Variants in SEMA3A observed in about 807,000 individuals in gnomAD.
SEMA3A encodes semaphorin-3A.
A neutral mutation model predicts 97.9 loss-of-function variants in SEMA3A; 29 were observed. The ratio of observed to expected loss-of-function variants is 0.30; its 90% confidence interval spans 0.22 to 0.40. SEMA3A has a LOEUF of 0.40. Ranked by LOEUF, SEMA3A falls within the 10% of genes least tolerant of loss-of-function variation. The pLI, the probability that SEMA3A is intolerant of heterozygous loss-of-function variation, is 1.00. For synonymous variants in SEMA3A, 321 were observed against 323.7 expected (o/e 0.99, Z 0.09); for missense variants, 763 against 951.3 (o/e 0.80, Z 2.60).
intron 1 of SEMA3A, among the ~76,000 whole-genome samples, chr7:84,463,438 C>G (rs1404869276): frequency 6.6e-6 from 1 of 151,514 alleles, no homozygotes; most frequent in African/African-American, 2.4e-5. Context: ...TTAGTAGAGA[C>G]GGGGTTTCAC....
At chr7:84,249,033 A>C (rs1277074182) in intron 3 of SEMA3A, among the ~76,000 whole-genome samples, 1 of 152,188 alleles carries the variant, frequency 6.6e-6, no homozygotes, top group Non-Finnish European at 1.5e-5. Context: ...AATCATATGC[A>C]ATATTTCATG....
intron 2 of SEMA3A, among the ~76,000 whole-genome samples, chr7:84,358,934 T>G (rs1249855592): frequency 6.6e-6 from 1 of 152,202 alleles, no homozygotes; most frequent in African/African-American, 2.4e-5. Context: ...TTTGGCTGTT[T>G]GTCTGTTATT....
intron 1 of SEMA3A, among the ~76,000 whole-genome samples, chr7:84,377,954 T>TAA (rs1803151229): frequency 6.6e-6 from 1 of 152,100 alleles, no homozygotes; most frequent in African/African-American, 2.4e-5. Flanking sequence ...ATGTCTCCAG[T>TAA]AACATGTGGT....
intron 1 of SEMA3A, among the ~76,000 whole-genome samples, chr7:84,188,019 G>C (rs959388244): frequency 6.6e-6 from 1 of 152,022 alleles, no homozygotes; most frequent in Non-Finnish European, 1.5e-5. Context: ...TTTATCTAAA[G>C]ACATGTTTAT....
chr7:84,015,975 G>A (rs1791082038), intron 6 of SEMA3A, among the ~76,000 whole-genome samples: 1 of 152,064 alleles, frequency 6.6e-6, no homozygotes, highest in Admixed American at 6.5e-5. Context: ...TTTTTTAAAA[G>A]ATCCATACAA....
At chr7:84,376,447 CA>C (rs1229223614) in intron 1 of SEMA3A, among the ~76,000 whole-genome samples, 1 of 140,624 alleles carries the variant, frequency 7.1e-6, no homozygotes, top group South Asian at 2.4e-4. Flanking sequence ...CTAAAAAACA[CA>C]AAAAAATTAG....
upstream of SEMA3A, among the ~76,000 whole-genome samples, chr7:84,198,726 T>C (rs141568656): frequency 6.5e-4 from 99 of 152,304 alleles, no homozygotes; most frequent in African/African-American, 2.3e-3. Context: ...AGGTGCTTAA[T>C]AGGATGATCA....
chr7:84,192,797 T>C (rs1208404098), intron 1 of SEMA3A, among the ~76,000 whole-genome samples: 2 of 151,968 alleles, frequency 1.3e-5, no homozygotes, highest in African/African-American at 4.8e-5. Flanking sequence ...TTTTAAAATA[T>C]ATATCATGAT....
intron 3 of SEMA3A, among the ~76,000 whole-genome samples, chr7:84,119,278 T>C (rs1795527711): frequency 6.6e-6 from 1 of 152,136 alleles, no homozygotes; most frequent in African/African-American, 2.4e-5. Context: ...TAGTACAGTA[T>C]ATTTTGCACC....
intron 3 of SEMA3A, among the ~76,000 whole-genome samples, chr7:84,307,041 C>T (rs583344): frequency 0.68 from 102,785 of 151,342 alleles, 34,997 homozygotes; most frequent in Middle Eastern, 0.71. Context: ...GGAGCCCTCT[C>T]ATCTACCCAA....
At chr7:83,980,566 C>G (rs1789350189) in intron 14 of SEMA3A, among the ~76,000 whole-genome samples, 1 of 137,546 alleles carries the variant, frequency 7.3e-6, no homozygotes, top group African/African-American at 2.8e-5. Flanking sequence ...GATTGTGCCA[C>G]TGCACTCCAG....
At position 84,102,455 on chromosome 7, in the gene SEMA3A, T is replaced by C. The variant is rs537596314; in HGVS notation, c.453+8015A>G. Among the ~76,000 whole-genome samples the C allele has an allele frequency of 1.5e-3, 228 of 152,222 alleles. 3 individuals are homozygous for C. Among genetic ancestry groups the C allele is most frequent in the South Asian group, 5.6e-3 (27 of 4,826 alleles). On this transcript the variant is annotated intron_variant, in intron 4 of 16. Transcript: ENST00000265362. ...TAATCCAGTAAGGAAAAGAGCAGTA[T>C]TAAAGCTATGCAGACCAAATGTGCT...
intron 2 of SEMA3A, among the ~76,000 whole-genome samples, chr7:84,131,036 G>A (rs1226677283): frequency 6.6e-6 from 1 of 151,728 alleles, no homozygotes; most frequent in Non-Finnish European, 1.5e-5. Flanking sequence ...ACAATAATTT[G>A]TATAATATTC....
chr7:84,336,573 C>T (rs1013779276), intron 2 of SEMA3A, among the ~76,000 whole-genome samples: 1 of 152,084 alleles, frequency 6.6e-6, no homozygotes, highest in African/African-American at 2.4e-5. Flanking sequence ...TTCACAACCT[C>T]CATTTTATCT....
At chr7:84,287,875 A>G (rs1800630722) in intron 3 of SEMA3A, among the ~76,000 whole-genome samples, 1 of 152,156 alleles carries the variant, frequency 6.6e-6, no homozygotes, top group African/African-American at 2.4e-5. Context: ...TTGACTAGTT[A>G]ATTTTTAAAC....
rs1269271859 is a variant in SEMA3A at position 84,467,137 on chromosome 7, C to A, written c.-246+25323G>T. Among the ~76,000 whole-genome samples, 10 of 152,114 alleles carry A rather than the reference C, an allele frequency of 6.6e-5. No individual in the cohort carries two copies. The East Asian group carries it at 1.7e-3, about 26-fold the overall frequency. On this transcript the variant is annotated intron_variant, in intron 1 of 3. Transcript: ENST00000424555. ...GCACAACCCCATAAGAGAAAAAAAA[C>A]CTAATCATCTTTATGCACTTGTGGA...
chr7:84,188,578 G>A (rs550357338), intron 1 of SEMA3A, among the ~76,000 whole-genome samples: 2 of 151,956 alleles, frequency 1.3e-5, no homozygotes, highest in East Asian at 3.9e-4. Flanking sequence ...ACTATAAATG[G>A]CTGTAATAAT....
Position 84,067,598 on chromosome 7 carries a change from A to G in SEMA3A, c.454-7040T>C, listed in dbSNP as rs567470297. On this transcript the variant is annotated intron_variant, in intron 4 of 16. Transcript: ENST00000265362. ...CAAGAAAAAAACAAACAACCCCATC[A>G]AAAAGTTGGCGAAGGACATGAACAG... 8.4e-3 allele frequency among the ~76,000 whole-genome samples: 1,287 copies of G among 152,342 alleles called. 19 individuals carry two copies. The highest frequency in any genetic ancestry group is 0.029 in the African/African-American group (1,193 of 41,570).
chr7:84,182,946 G>C (rs1233812661), intron 1 of SEMA3A, among the ~76,000 whole-genome samples: 2 of 152,054 alleles, frequency 1.3e-5, no homozygotes, highest in Non-Finnish European at 2.9e-5. Flanking sequence ...TTGTCAATTA[G>C]CTTTCATTAT....
Sources: gnomAD v4.1 joint callset for allele counts (sites outside exome capture counted in the v4.1 genomes callset) on GRCh38, gnomAD v4.1.1 for gene constraint, MANE v1.5 for transcripts, NCBI Gene and HGNC (gene_info 2026-07-23, HGNC 2026-07-21) for gene names.